Variants in PLEKHH1 observed in about 807,000 individuals in gnomAD.
PLEKHH1 encodes the protein pleckstrin homology, MyTH4 and FERM domain containing H1, also known as pleckstrin homology domain-containing family H member 1.
A neutral mutation model predicts 160.0 loss-of-function variants in PLEKHH1; 104 were observed. That is an observed-to-expected ratio of 0.65 (90% CI 0.55 to 0.76). The LOEUF (loss-of-function observed/expected upper bound fraction) is 0.76, where lower values mean the gene tolerates loss of function less well. Among genes scored for constraint, PLEKHH1 ranks in the 30% least tolerant of loss-of-function variants. The probability of loss-of-function intolerance (pLI) is 0.00; values close to 1 mark genes in which losing one functional copy is unlikely to be tolerated. For synonymous variants in PLEKHH1, 619 were observed against 678.4 expected (o/e 0.91, Z 1.36); for missense variants, 1,427 against 1,724.1 (o/e 0.83, Z 3.05).
rs1273098605 is a variant in PLEKHH1 at position 67,571,833 on chromosome 14, C to T, written c.1516C>T (p.Arg506Ter). 5.6e-6 allele frequency: 9 copies of T among 1,613,760 alleles called. No individual in the cohort carries two copies. Among genetic ancestry groups the T allele is most frequent in the South Asian group, 1.1e-5 (1 of 91,072 alleles). The stretch of plus-strand genomic sequence containing the variant: ...TGACTGCAGCTCTCAGGCGAGTTTC[C>T]GAATCTCGGTCCCCTCCTCTGAGTC... ...DDDCSSQASF[R>*]ISVPSSESRK... is the part of the protein sequence containing the mutation. The change falls in exon 10 of 29, where the codon CGA (arginine) becomes TGA (stop). Residue 506 changes from arginine to a stop codon, truncating the protein, a stop_gained. Coordinates refer to ENST00000329153, the MANE Select transcript of PLEKHH1 (RefSeq NM_020715.3). LOFTEE classifies it high-confidence loss of function.
At chr14:67,575,024 T>C (rs967116540) in intron 14 of PLEKHH1, among the ~76,000 whole-genome samples, 1 of 152,222 alleles carries the variant, frequency 6.6e-6, no homozygotes, top group Non-Finnish European at 1.5e-5. Flanking sequence ...TCCTTCATGA[T>C]GCATGGTTGC....
intron 18 of PLEKHH1, 77 bp from the exon 19 acceptor site, chr14:67,577,946 G>A (rs2035701456): frequency 7.2e-7 from 1 of 1,394,942 alleles, no homozygotes; most frequent in South Asian, 1.3e-5. Flanking sequence ...TGGAGCCCTT[G>A]GAAAATGGCC....
At chr14:67,542,116 A>C (rs2140328742) in intron 2 of PLEKHH1, 123 bp downstream of exon 2, 4 of 923,426 alleles carry the variant, frequency 4.3e-6, no homozygotes, top group East Asian at 2.9e-5. Context: ...CCCATATGCA[A>C]AATGAAACCC....
intron 27 of PLEKHH1, 79 bp downstream of exon 27, chr14:67,585,733 G>C: frequency 8.3e-7 from 1 of 1,199,664 alleles, no homozygotes; most frequent in Non-Finnish European, 1.2e-6. Context: ...GGACTCAAAA[G>C]CCTGAACCAA....
At chr14:67,575,779 A>T (rs4902491) in intron 15 of PLEKHH1, 44 bp from the exon 16 acceptor site, 1 of 1,490,308 alleles carries the variant, frequency 6.7e-7, no homozygotes, top group Non-Finnish European at 9.3e-7. Flanking sequence ...AGACTCCCTC[A>T]TCCCCCACTG....
rs779433042 is a variant in PLEKHH1 at position 67,582,106 on chromosome 14, C to T, written c.3322C>T (p.Arg1108Ter). 1.9e-6 allele frequency: 3 copies of T among 1,612,920 alleles called. No homozygotes were observed. Among genetic ancestry groups the T allele is most frequent in the South Asian group, 1.1e-5 (1 of 90,878 alleles). The change falls in exon 24 of 29, where the codon CGA (arginine) becomes TGA (stop). Residue 1108 changes from arginine (R) to a stop codon, truncating the protein, a stop_gained. Coordinates refer to ENST00000329153, the MANE Select transcript of PLEKHH1 (RefSeq NM_020715.3). LOFTEE classifies it high-confidence loss of function. The surrounding 1 kb of genome is among the most constrained non-coding windows in gnomAD (Gnocchi z 5.0). ...CAGTCAAGTCAAAGGGGAGACGGAC[C>T]GAGAACGGCTGCTCCTTGCCTCTCA... Reference protein sequence around the residue: ...FRSQVKGETDRERLLLASQTS... With the variant: ...FRSQVKGETD
rs1034875405 is a variant in PLEKHH1, at chr14:67,576,311, G to C, written c.2353-84G>C. The C allele has an allele frequency of 1.3e-6, 1 of 743,406 alleles. No individual in the cohort carries two copies. Among genetic ancestry groups the C allele is most frequent in the Non-Finnish European group, 2.3e-6 (1 of 442,834 alleles). The allele number at this position is 743,406 out of a possible 1,614,324, so 46.1% of individuals were successfully genotyped here. A position where few individuals can be genotyped will look rare whatever the true frequency, so the allele number is the denominator to read the frequency against. ...ACTAGCTGAACCCCACATGGGCTTG[G>C]TCCCTTCAAGGAGTCCTCCTTGGAG... is the stretch of plus-strand genomic sequence containing the variant. On this transcript the variant is annotated intron_variant, in intron 16 of 28. Transcript: ENST00000329153. This position sits in a 1 kb window ranked among gnomAD's most constrained non-coding sequence, Gnocchi z 4.0.
At chr14:67,583,374 A>G (rs573101193) in intron 24 of PLEKHH1, among the ~76,000 whole-genome samples, 2 of 152,322 alleles carry the variant, frequency 1.3e-5, no homozygotes, top group African/African-American at 4.8e-5. Context: ...CACATTTGGA[A>G]CACTCTGCTG....
In PLEKHH1 at chr14:67,535,531, G is replaced by A. The variant is rs375791413; in HGVS notation, c.-35+2133G>A. On this transcript the variant is annotated intron_variant, in intron 1 of 28. Transcript: ENST00000329153. ...AAGTGGCTGGGATTAACAGGCATGCGCCACCACACCTGGCTAATTTTTGTA... is the reference window on the plus strand; with the variant it reads ...AAGTGGCTGGGATTAACAGGCATGCACCACCACACCTGGCTAATTTTTGTA... Among the ~76,000 whole-genome samples, 31 of 151,900 alleles carry A rather than the reference G, an allele frequency of 2.0e-4. 1 individual carries two copies. Among genetic ancestry groups the A allele is most frequent in the African/African-American group, 2.7e-4 (11 of 41,404 alleles).
At chr14:67,567,512 A>G (rs2035160108) in intron 7 of PLEKHH1, among the ~76,000 whole-genome samples, 1 of 151,972 alleles carries the variant, frequency 6.6e-6, no homozygotes, top group Admixed American at 6.6e-5. Flanking sequence ...TTTATGCCGA[A>G]TTTTACTTGG....
intron 28 of PLEKHH1, 161 bp from the exon 29 acceptor site, chr14:67,586,913 A>G (rs1043561599): frequency 5.9e-6 from 9 of 1,537,334 alleles, no homozygotes; most frequent in African/African-American, 1.4e-5. Flanking sequence ...GCCTCTGAAC[A>G]GCACAGTTAT....
At chr14:67,569,770 G>A (rs2035282041) in intron 8 of PLEKHH1, 151 bp from the exon 9 acceptor site, 2 of 640,468 alleles carry the variant, frequency 3.1e-6, no homozygotes, top group East Asian at 2.7e-5. Flanking sequence ...GGGAGTCAAG[G>A]GGAGAAGATG....
intron 10 of PLEKHH1, 40 bp downstream of exon 10, chr14:67,571,942 G>A (rs746814256): frequency 1.3e-6 from 2 of 1,571,474 alleles, no homozygotes; most frequent in South Asian, 2.3e-5. Flanking sequence ...CAGCAGCAAG[G>A]AGCCCCTCAC....
intron 7 of PLEKHH1, among the ~76,000 whole-genome samples, chr14:67,565,557 T>A (rs1024766687): frequency 1.3e-5 from 2 of 152,220 alleles, no homozygotes; most frequent in African/African-American, 4.8e-5. Flanking sequence ...TCCAGCTGCT[T>A]TGAAGCCCAG....
chr14:67,536,765 G>A (rs894288074), intron 1 of PLEKHH1, among the ~76,000 whole-genome samples: 5 of 151,844 alleles, frequency 3.3e-5, no homozygotes, highest in African/African-American at 4.9e-5. Context: ...TCTTGGGGTC[G>A]GGAGTGGTGG....
chr14:67,578,682 C>A lies in PLEKHH1; in HGVS notation c.2849+51C>A. The A allele has an allele frequency of 8.6e-7, 1 of 1,163,490 alleles. No homozygotes were observed. Among genetic ancestry groups the A allele is most frequent in the South Asian group, 1.3e-5 (1 of 76,434 alleles). 72.1% of individuals were successfully genotyped at this position (1,163,490 alleles called of 1,614,324 possible). On this transcript the variant is annotated intron_variant, in intron 20 of 28. Transcript: ENST00000329153. This position sits in a 1 kb window ranked among gnomAD's most constrained non-coding sequence, Gnocchi z 5.0. ...GCCACTTGAGCACTGCCAACTGCCG[C>A]ATGAATAAGAGGGATGAGAGGAGTC...
chr14:67,575,201 TGGC>T lies in PLEKHH1; in HGVS notation c.2089-190_2089-188del, dbSNP rs570165085. Among the ~76,000 whole-genome samples, 234 of 152,226 alleles carry T rather than the reference TGGC, an allele frequency of 1.5e-3. 1 individual carries two copies. The highest frequency in any genetic ancestry group is 4.5e-3 in the African/African-American group (188 of 41,540). ...TCATAGGTCACTGAATAGCCCATGA[TGGC>T]TGGGGTGCCACAGGGTGTCATGGCA... On this transcript the variant is annotated intron_variant, in intron 14 of 28. Transcript: ENST00000329153.
At chr14:67,566,492 C>T (rs571256457) in intron 7 of PLEKHH1, among the ~76,000 whole-genome samples, 1 of 152,192 alleles carries the variant, frequency 6.6e-6, no homozygotes, top group Non-Finnish European at 1.5e-5. Context: ...CACCTGTAAT[C>T]CCAGCACTTT....
intron 18 of PLEKHH1, among the ~76,000 whole-genome samples, chr14:67,577,632 T>C (rs2035681070): frequency 6.6e-6 from 1 of 152,164 alleles, no homozygotes; most frequent in Non-Finnish European, 1.5e-5. Context: ...GAAATGCCAA[T>C]GAAAACTCTC....
Sources: gnomAD v4.1 joint callset for allele counts (sites outside exome capture counted in the v4.1 genomes callset) on GRCh38, gnomAD v4.1.1 for gene constraint, Gnocchi (gnomAD v3.1) non-coding constraint, MANE v1.5 for transcripts, NCBI Gene and HGNC (gene_info 2026-07-23, HGNC 2026-07-21) for gene names.